Variants in PIP5K1C observed in about 807,000 individuals in gnomAD.
PIP5K1C encodes the protein phosphatidylinositol 4-phosphate 5-kinase type-1 gamma.
Under a neutral mutation model 80.1 loss-of-function variants are expected in PIP5K1C, and 45 were observed. That is an observed-to-expected ratio of 0.56 (90% confidence interval 0.44 to 0.72). The LOEUF is 0.72. Among genes scored for constraint, PIP5K1C ranks in the 30% least tolerant of loss-of-function variants. The pLI, the probability that PIP5K1C is intolerant of heterozygous loss-of-function variation, is 0.00. For missense variants in PIP5K1C, 753 were observed against 954.6 expected (o/e 0.79, Z 2.78); for synonymous variants, 498 against 420.1 (o/e 1.19, Z -2.27).
chr19:3,668,831 C>T (rs373311243), intron 1 of PIP5K1C, among the ~76,000 whole-genome samples: 6 of 152,118 alleles, frequency 3.9e-5, no homozygotes, highest in Admixed American at 3.3e-4. Flanking sequence ...ACAAGGATGC[C>T]GTGGGAGCCG....
At chr19:3,644,322 G>T (rs769507884) in intron 11 of PIP5K1C, 71 bp from the exon 12 acceptor site, 33 of 1,484,456 alleles carry the variant, frequency 2.2e-5, no homozygotes, top group Non-Finnish European at 3.0e-5. Flanking sequence ...CAGGGCCGCC[G>T]CCCACATATA....
chr19:3,698,961 T>A (rs1001985052), intron 1 of PIP5K1C, among the ~76,000 whole-genome samples: 5 of 11,456 alleles, frequency 4.4e-4, no homozygotes, highest in African/African-American at 1.7e-3. Context: ...ACTCCCCCGC[T>A]CTCCCACCCC....
chr19:3,683,646 C>T (rs536542577), intron 1 of PIP5K1C, among the ~76,000 whole-genome samples: 3 of 152,300 alleles, frequency 2.0e-5, no homozygotes, highest in South Asian at 4.1e-4. Context: ...TAGGGGTGGA[C>T]GCACCTGATT....
chr19:3,666,677 G>A (rs554057748), intron 2 of PIP5K1C, among the ~76,000 whole-genome samples: 59 of 147,498 alleles, frequency 4.0e-4, no homozygotes, highest in African/African-American at 1.4e-3. Flanking sequence ...ACACACAAAC[G>A]TGCACACACA....
chr19:3,667,456 G>A, intron 1 of PIP5K1C, 103 bp from the exon 2 acceptor site: 1 of 1,224,532 alleles, frequency 8.2e-7, no homozygotes, highest in Non-Finnish European at 1.2e-6. Flanking sequence ...CCTGGCGTGT[G>A]TAACTCCGCG....
At chr19:3,651,101 C>T (rs2034431007) in intron 8 of PIP5K1C, among the ~76,000 whole-genome samples, 3 of 146,636 alleles carry the variant, frequency 2.0e-5, no homozygotes, top group Admixed American at 1.4e-4. Flanking sequence ...GTTGCCCAAG[C>T]TGGAGTGCAG....
intron 7 of PIP5K1C, among the ~76,000 whole-genome samples, chr19:3,652,682 A>G (rs12608939): frequency 0.74 from 112,176 of 152,204 alleles, 41,621 homozygotes; most frequent in East Asian, 0.91. Flanking sequence ...ACACGGAGCC[A>G]ACGCAGGCTC....
In PIP5K1C at chr19:3,692,330, G is replaced by A. The variant is rs935195290; in HGVS notation, c.94+7967C>T. Among the ~76,000 whole-genome samples, 3 of 152,130 alleles carry A rather than the reference G, an allele frequency of 2.0e-5. No homozygotes were observed. The highest frequency in any genetic ancestry group is 2.1e-4 in the South Asian group (1 of 4,822). Reference sequence around the variant, plus strand: ...CAGTCCCACTGCCGGCTCCCACCACGGCCCCCAACGCTCCCTACAGGGGCT... The same window carrying A: ...CAGTCCCACTGCCGGCTCCCACCACAGCCCCCAACGCTCCCTACAGGGGCT... On this transcript the variant is annotated intron_variant, in intron 1 of 17. Coordinates refer to ENST00000335312, the MANE Select transcript of PIP5K1C (RefSeq NM_012398.3). This position sits in a 1 kb window ranked among gnomAD's most constrained non-coding sequence, Gnocchi z 5.2.
intron 3 of PIP5K1C, among the ~76,000 whole-genome samples, chr19:3,664,579 G>A (rs1482730754): frequency 6.6e-6 from 1 of 152,190 alleles, no homozygotes; most frequent in East Asian, 1.9e-4. Context: ...TCAGAGCCGG[G>A]CAGGCGTTGC....
chr19:3,644,169 C>T lies in PIP5K1C; in HGVS notation c.1428G>A (p.Ser476=), dbSNP rs770029124. ...VKPLGPTAAF[S]ASQIPSEREE... is the part of the protein sequence containing the mutation. Reference sequence around the variant, plus strand: ...CCCGCTCGCTAGGGATCTGGCTGGCCGAGAAGGCAGCGGTGGGCCCCAGCG... The same window carrying T: ...CCCGCTCGCTAGGGATCTGGCTGGCTGAGAAGGCAGCGGTGGGCCCCAGCG... Residue 476 remains serine (S), a synonymous_variant, in exon 12 of 18, where the codon TCG becomes TCA. Transcript: ENST00000335312. 2.1e-5 allele frequency: 34 copies of T among 1,612,184 alleles called. No individual in the cohort carries two copies. In the Admixed American group the frequency reaches 3.3e-4, roughly 16 times the overall value.
In PIP5K1C at chr19:3,644,233, G is replaced by C. The variant is rs772518389; in HGVS notation, c.1364C>G (p.Ser455Cys). 1.2e-6 allele frequency: 2 copies of C among 1,612,264 alleles called. No individual in the cohort carries two copies. The change falls in exon 12 of 18, where the codon TCC (serine) becomes TGC (cysteine). Residue 455 changes from serine to cysteine, a missense_variant. Ser to Cys is a moderately radical substitution (Grantham distance 112, BLOSUM62 -1). Around this residue, in one of 6 missense-constraint regions of PIP5K1C, gnomAD observed 114 missense variants for 152.4 expected, o/e 0.75. Coordinates refer to ENST00000335312, the MANE Select transcript of PIP5K1C (RefSeq NM_012398.3). ...RKNSSLKSSP[S>C]KKGRGGALLA... ...CAAGGCTCCGCCGCGCCCCTTCTTG[G>C]AGGGCGAGGACTTCAGGGCTGCAGG...
intron 15 of PIP5K1C, 56 bp from the exon 16 acceptor site, chr19:3,639,072 CCG>C: frequency 1.3e-6 from 2 of 1,592,632 alleles, no homozygotes; most frequent in Non-Finnish European, 1.7e-6. Context: ...CGGAGACTCC[CCG>C]CGCCCCCACT....
At chr19:3,661,238 G>A (rs966718840) in intron 4 of PIP5K1C, among the ~76,000 whole-genome samples, 155 bp from the exon 5 acceptor site, 7 of 152,136 alleles carry the variant, frequency 4.6e-5, no homozygotes, top group African/African-American at 7.2e-5. Context: ...GCAACAGGGG[G>A]CTCCCGATGG....
In PIP5K1C at chr19:3,653,535, C is replaced by T. The variant is rs753105357; in HGVS notation, c.676G>A (p.Val226Met). The T allele has an allele frequency of 3.2e-5, 52 of 1,613,634 alleles. No homozygotes were observed. Among genetic ancestry groups the T allele is most frequent in the South Asian group, 4.4e-5 (4 of 91,094 alleles). Residue 226 changes from valine to methionine, a missense_variant, in exon 7 of 18, where the codon GTG (valine) becomes ATG (methionine). By Grantham distance (21) the Val-to-Met change is conservative (BLOSUM62 1). This residue lies in a region of PIP5K1C where 139 missense variants were observed against 289.7 expected (regional missense o/e 0.48). Coordinates refer to ENST00000335312, the MANE Select transcript of PIP5K1C (RefSeq NM_012398.3). ...LLPKFYGLYC[V>M]QSGGKNIRVV... is the part of the protein sequence containing the mutation. The stretch of plus-strand genomic sequence containing the variant: ...CGGATGTTCTTGCCCCCCGACTGCA[C>T]GCAGTACAGCCCATAGAACTTGGGC...
intron 16 of PIP5K1C, among the ~76,000 whole-genome samples, chr19:3,633,823 C>T (rs535869487): frequency 8.5e-5 from 13 of 152,114 alleles, no homozygotes; most frequent in African/African-American, 3.1e-4. Context: ...GGGTGGGGGT[C>T]GCGACCTGGA....
At chr19:3,651,081 G>GTC (rs2034429627) in intron 8 of PIP5K1C, among the ~76,000 whole-genome samples, 1 of 138,600 alleles carries the variant, frequency 7.2e-6, no homozygotes, top group Non-Finnish European at 1.5e-5. Context: ...TTAAGACAGG[G>GTC]TCTCACTCTG....
At chr19:3,653,673 G>A (rs1008125437) in intron 6 of PIP5K1C, 84 bp from the exon 7 acceptor site, 1 of 1,312,026 alleles carries the variant, frequency 7.6e-7, no homozygotes, top group Admixed American at 2.1e-5. Flanking sequence ...TGCCTCAGGG[G>A]GCTCATGGAT....
intron 2 of PIP5K1C, among the ~76,000 whole-genome samples, chr19:3,665,274 C>T (rs1230874741): frequency 1.3e-5 from 2 of 152,186 alleles, no homozygotes; most frequent in African/African-American, 4.8e-5. Flanking sequence ...GGTGGGGCCA[C>T]CCTGGGCACA....
At chr19:3,691,235 G>C (rs2035939301) in intron 1 of PIP5K1C, among the ~76,000 whole-genome samples, 1 of 152,218 alleles carries the variant, frequency 6.6e-6, no homozygotes, top group Non-Finnish European at 1.5e-5. Context: ...GGATGGGAGA[G>C]ATGGACGCGT....
Sources: allele counts gnomAD v4.1 joint callset (sites outside exome capture counted in the v4.1 genomes callset), GRCh38; gene constraint gnomAD v4.1.1; regional missense constraint gnomAD v4.1.1; non-coding constraint Gnocchi (gnomAD v3.1); transcripts MANE v1.5; gene names NCBI Gene and HGNC (gene_info 2026-07-23, HGNC 2026-07-21).